MAPRE2: variants seen among roughly 807,000 people sequenced by gnomAD.
MAPRE2 encodes microtubule associated protein RP/EB family member 2.
A neutral mutation model predicts 43.2 loss-of-function variants in MAPRE2; 13 were observed. The ratio of observed to expected loss-of-function variants is 0.30; its 90% CI spans 0.20 to 0.48. The LOEUF (loss-of-function observed/expected upper bound fraction) is 0.48, where lower values mean the gene tolerates loss of function less well. Among genes scored for constraint, MAPRE2 ranks in the 20% least tolerant of loss-of-function variants. MAPRE2 has a pLI of 0.99. For synonymous variants in MAPRE2, 135 were observed against 148.8 expected (o/e 0.91, Z 0.68); for missense variants, 161 against 400.2 (o/e 0.40, Z 5.10).
intron 3 of MAPRE2, among the ~76,000 whole-genome samples, chr18:35,097,894 G>C (rs548863895): frequency 6.6e-5 from 10 of 152,266 alleles, no homozygotes; most frequent in Admixed American, 5.9e-4. Flanking sequence ...ATGCCACTGT[G>C]GTTCTTTGTA....
In MAPRE2 at chr18:35,114,642, T is replaced by C. The variant is rs138552481; in HGVS notation, c.611-12306T>C. Among the ~76,000 whole-genome samples, 369 of 152,296 alleles carry C rather than the reference T, an allele frequency of 2.4e-3. 2 individuals carry two copies. Among genetic ancestry groups the C allele is most frequent in the Non-Finnish European group, 4.4e-3 (300 of 68,020 alleles). ...GGGTGATTTGAAAGTGAAGGATAGA[T>C]GCAATTGGCATGTATTTGGGCACTC... On this transcript the variant is annotated intron_variant, in intron 4 of 6. Transcript: ENST00000300249.
In MAPRE2 at chr18:35,132,061, C is replaced by T. The variant is rs144899131; in HGVS notation, c.780C>T (p.Gly260=). 3.4e-4 allele frequency: 541 copies of T among 1,614,028 alleles called. 3 individuals are homozygous for T. In the African/African-American group the frequency reaches 6.1e-3, roughly 18 times the overall value. The change falls in exon 6 of 7, where the codon GGC becomes GGT. Residue 260 remains glycine, a synonymous_variant. Coordinates refer to ENST00000300249, the MANE Select transcript of MAPRE2 (RefSeq NM_014268.4). ...ATTCATTAAAACTTGCCCTTGAAGGCGTGGAAAAGGAAAGGGATTTCTACT... is the reference window on the plus strand; with the variant it reads ...ATTCATTAAAACTTGCCCTTGAAGGTGTGGAAAAGGAAAGGGATTTCTACT... ...QVHSLKLALE[G]VEKERDFYFG...
chr18:35,061,472 A>G (rs1172412072), intron 1 of MAPRE2, among the ~76,000 whole-genome samples: 1 of 152,144 alleles, frequency 6.6e-6, no homozygotes, highest in Non-Finnish European at 1.5e-5. Flanking sequence ...TGCCACATGG[A>G]GAGGCCCGGC....
chr18:35,008,719 C>A (rs1026808082), intron 2 of MAPRE2, among the ~76,000 whole-genome samples: 1 of 152,100 alleles, frequency 6.6e-6, no homozygotes, highest in Non-Finnish European at 1.5e-5. Context: ...GTCTATTCAT[C>A]TATTTTCTAA....
chr18:35,080,859 T>C (rs549642477), intron 2 of MAPRE2, among the ~76,000 whole-genome samples: 47 of 152,072 alleles, frequency 3.1e-4, no homozygotes, highest in African/African-American at 1.0e-3. Context: ...TTCTGACAAA[T>C]AGCAAATTAC....
intron 2 of MAPRE2, among the ~76,000 whole-genome samples, chr18:35,073,395 G>C (rs774477853): frequency 1.3e-5 from 2 of 152,086 alleles, no homozygotes; most frequent in Non-Finnish European, 2.9e-5. Context: ...AAGTATTGTT[G>C]ACTTAAGTGA....
At chr18:35,076,953 T>A (rs1056327201) in intron 2 of MAPRE2, among the ~76,000 whole-genome samples, 2 of 152,158 alleles carry the variant, frequency 1.3e-5, no homozygotes, top group Admixed American at 1.3e-4. Flanking sequence ...TACATCCTAT[T>A]ACCCATTTCT....
At position 35,063,309 on chromosome 18, in the gene MAPRE2, G is replaced by C. The variant is rs552925993; in HGVS notation, c.123-6886G>C. ...TTTTTAGTAGAGATGGGGTTTCACCGTGTTAGCCAGGATGGTCTTGATCTC... is the reference window on the plus strand; with the variant it reads ...TTTTTAGTAGAGATGGGGTTTCACCCTGTTAGCCAGGATGGTCTTGATCTC... On this transcript the variant is annotated intron_variant, in intron 1 of 6. Coordinates refer to ENST00000300249, the MANE Select transcript of MAPRE2 (RefSeq NM_014268.4). Among the ~76,000 whole-genome samples the C allele has an allele frequency of 2.9e-4, 44 of 151,902 alleles. 1 individual carries two copies. In the South Asian group the frequency reaches 9.0e-3, roughly 31 times the overall value.
intron 4 of MAPRE2, among the ~76,000 whole-genome samples, chr18:35,122,876 C>T (rs1569012133): frequency 6.6e-6 from 1 of 152,214 alleles, no homozygotes; most frequent in Non-Finnish European, 1.5e-5. Context: ...CTTGGTGAGT[C>T]CAAGCCACAC....
At chr18:35,111,119 T>C (rs1276422350) in intron 4 of MAPRE2, among the ~76,000 whole-genome samples, 1 of 152,182 alleles carries the variant, frequency 6.6e-6, no homozygotes, top group Non-Finnish European at 1.5e-5. Context: ...TGAGGCACAG[T>C]TGATTTTCTT....
intron 2 of MAPRE2, among the ~76,000 whole-genome samples, chr18:35,030,303 C>T (rs530774803): frequency 3.9e-5 from 6 of 152,286 alleles, no homozygotes; most frequent in African/African-American, 1.4e-4. Flanking sequence ...ACGGAAGTGC[C>T]GTTTTATGGC....
chr18:35,095,278 T>G (rs533938673), intron 2 of MAPRE2, among the ~76,000 whole-genome samples: 1 of 152,216 alleles, frequency 6.6e-6, no homozygotes, highest in South Asian at 2.1e-4. Flanking sequence ...AAGAGAATTA[T>G]GATCTGTTGA....
chr18:35,097,650 T>C, intron 3 of MAPRE2, 59 bp downstream of exon 3: 1 of 1,505,864 alleles, frequency 6.6e-7, no homozygotes, highest in South Asian at 1.3e-5. Flanking sequence ...TTTTTGTGCA[T>C]AAATGCAAAA....
intron 2 of MAPRE2, among the ~76,000 whole-genome samples, chr18:35,089,778 C>T (rs921859242): frequency 1.3e-5 from 2 of 152,156 alleles, no homozygotes; most frequent in African/African-American, 4.8e-5. Flanking sequence ...CCAGCAATTC[C>T]AATCCTAGGT....
chr18:35,028,075 G>A (rs1242706161), intron 2 of MAPRE2, among the ~76,000 whole-genome samples: 2 of 152,198 alleles, frequency 1.3e-5, no homozygotes, highest in African/African-American at 4.8e-5. Context: ...TGACCTTTAA[G>A]AGACAAAGGC....
intron 1 of MAPRE2, among the ~76,000 whole-genome samples, chr18:34,982,765 A>C (rs530024970): frequency 6.6e-6 from 1 of 152,196 alleles, no homozygotes; most frequent in Non-Finnish European, 1.5e-5. Context: ...AGCTGTGTTG[A>C]GATAAAACTC....
chr18:34,986,840 T>C lies in MAPRE2; in HGVS notation c.-70+9761T>C, dbSNP rs1355322735. 7.2e-5 allele frequency among the ~76,000 whole-genome samples: 11 copies of C among 152,342 alleles called. No individual in the cohort carries two copies. The South Asian group carries it at 2.1e-3, about 29-fold the overall frequency. On this transcript the variant is annotated intron_variant, in intron 1 of 7. Coordinates refer to the MAPRE2 transcript ENST00000413393. ...TAGATAAGATTTGTTTTGGTGTATC[T>C]GAATTTGAATTAACTGAGCATTTCA...
chr18:35,056,650 C>T (rs1277064175), intron 1 of MAPRE2, among the ~76,000 whole-genome samples: 1 of 152,140 alleles, frequency 6.6e-6, no homozygotes, highest in Non-Finnish European at 1.5e-5. Flanking sequence ...CATCCACTGA[C>T]CCTTCTTATT....
chr18:35,043,438 G>A (rs1285937148), intron 1 of MAPRE2, among the ~76,000 whole-genome samples: 1 of 152,166 alleles, frequency 6.6e-6, no homozygotes, highest in African/African-American at 2.4e-5. Context: ...ACTTGAAACG[G>A]CAGTGGAAAA....
Sources: gnomAD v4.1 joint callset for allele counts (sites outside exome capture counted in the v4.1 genomes callset) on GRCh38, gnomAD v4.1.1 for gene constraint, MANE v1.5 for transcripts, NCBI Gene and HGNC (gene_info 2026-07-23, HGNC 2026-07-21) for gene names.